PTGES3: variants seen among roughly 807,000 people sequenced by gnomAD.
PTGES3 encodes the protein Hsp90 co-chaperone.
Under a neutral mutation model 29.9 loss-of-function variants are expected in PTGES3, and 5 were observed. The observed-to-expected ratio is 0.17, with a 90% CI of 0.09 to 0.35. The LOEUF (loss-of-function observed/expected upper bound fraction) is 0.35, where lower values mean the gene tolerates loss of function less well. Ranked by LOEUF, PTGES3 falls within the 10% of genes least tolerant of loss-of-function variation. The probability of loss-of-function intolerance (pLI) is 1.00; values close to 1 mark genes in which losing one functional copy is unlikely to be tolerated. For synonymous variants in PTGES3, 49 were observed against 57.8 expected, an observed-to-expected ratio of 0.85 and a Z score of 0.69; for missense variants, 128 against 190.0, an observed-to-expected ratio of 0.67 and a Z score of 1.92.
chr12:56,684,156 T>A (rs1393164804), intron 1 of PTGES3, among the ~76,000 whole-genome samples: 2 of 151,846 alleles, frequency 1.3e-5, no homozygotes, highest in Non-Finnish European at 2.9e-5. Flanking sequence ...TTTACAAAGG[T>A]TTTTTTTCCC....
chr12:56,670,487 C>A, intron 4 of PTGES3, 123 bp from the exon 5 acceptor site: 1 of 686,550 alleles, frequency 1.5e-6, no homozygotes, highest in Non-Finnish European at 2.6e-6. Context: ...GGCTGGAGTG[C>A]AGCAAGCATT....
intron 1 of PTGES3, among the ~76,000 whole-genome samples, chr12:56,683,758 GACCATTCTGGCTAAC>G (rs1952682521): frequency 6.6e-6 from 1 of 151,664 alleles, no homozygotes; most frequent in Admixed American, 6.6e-5. Flanking sequence ...AGGAGATCGA[GACCATTCTGGCTAAC>G]ACGGTGAAAC....
intron 1 of PTGES3, among the ~76,000 whole-genome samples, chr12:56,679,787 G>A (rs1284127929): frequency 6.6e-6 from 1 of 152,064 alleles, no homozygotes; most frequent in Non-Finnish European, 1.5e-5. Context: ...CAATTCTTCT[G>A]CCTTAGCCTC....
chr12:56,681,721 G>T (rs1171404011), intron 1 of PTGES3, among the ~76,000 whole-genome samples: 1 of 151,426 alleles, frequency 6.6e-6, no homozygotes, highest in Non-Finnish European at 1.5e-5. Flanking sequence ...CAGGTACGGT[G>T]GCATGCGCCT....
chr12:56,681,366 G>A (rs1433411826), intron 1 of PTGES3, among the ~76,000 whole-genome samples: 2 of 150,582 alleles, frequency 1.3e-5, no homozygotes, highest in Admixed American at 6.7e-5. Flanking sequence ...GTGAAACCCC[G>A]TCTCTACTAA....
chr12:56,685,423 G>A (rs1592287758), intron 1 of PTGES3, among the ~76,000 whole-genome samples: 2 of 117,732 alleles, frequency 1.7e-5, no homozygotes, highest in Non-Finnish European at 3.4e-5. Flanking sequence ...TTTTTTTTAA[G>A]ACAGTCTCGC....
Position 56,672,725 on chromosome 12 carries a change from A to C in PTGES3, c.186+15T>G. The C allele has an allele frequency of 1.3e-6, 2 of 1,545,448 alleles. No homozygotes were observed. The highest frequency in any genetic ancestry group is 1.7e-6 in the Non-Finnish European group (2 of 1,147,836). On this transcript the variant is annotated intron_variant, in intron 3 of 7. Transcript: ENST00000262033. ...TCACAACTAAAATTTGGATTAAAGC[A>C]TAAAGACTACTTACATTTGGATCAA...
intron 1 of PTGES3, among the ~76,000 whole-genome samples, chr12:56,680,123 G>A (rs1484703132): frequency 6.6e-6 from 1 of 150,424 alleles, no homozygotes; most frequent in Admixed American, 6.6e-5. Flanking sequence ...CCAGGCTGGA[G>A]TGCAATGGCG....
In PTGES3 at chr12:56,663,444, G is replaced by C. The variant is rs1011429862; in HGVS notation, c.*1035C>G. The C allele has an allele frequency of 3.9e-5, 6 of 152,220 alleles. No homozygotes were observed. Among genetic ancestry groups the C allele is most frequent in the African/African-American group, 1.4e-4 (6 of 41,452 alleles). The allele number at this position is 152,220 out of a possible 1,614,324, so 9.4% of individuals were successfully genotyped here. On this transcript the variant is annotated 3_prime_UTR_variant, in exon 8 of 8. Coordinates refer to ENST00000262033, the MANE Select transcript of PTGES3 (RefSeq NM_006601.7). ...AGTGCATCTACAATATGCTATTACA[G>C]ATCCACTTTTAAAAGGTTTCCTGTG...
At chr12:56,684,520 T>C (rs1952732946) in intron 1 of PTGES3, among the ~76,000 whole-genome samples, 1 of 152,204 alleles carries the variant, frequency 6.6e-6, no homozygotes, top group Admixed American at 6.5e-5. Flanking sequence ...GATTCGTTCC[T>C]ACACAGCTGA....
intron 1 of PTGES3, among the ~76,000 whole-genome samples, chr12:56,677,240 G>C (rs552135310): frequency 7.0e-6 from 1 of 142,462 alleles, no homozygotes; most frequent in Non-Finnish European, 1.5e-5. Flanking sequence ...CTCCTTCTCC[G>C]CACCACCCAA....
chr12:56,666,034 G>A (rs1951771413), intron 6 of PTGES3, 170 bp downstream of exon 6: 1 of 1,384,186 alleles, frequency 7.2e-7, no homozygotes, highest in African/African-American at 1.5e-5. Context: ...TTCCCTAATA[G>A]ATACCCCCAT....
At chr12:56,687,882 G>A (rs1017572090) in intron 1 of PTGES3, 116 bp downstream of exon 1, 133 of 1,578,176 alleles carry the variant, frequency 8.4e-5, no homozygotes, top group African/African-American at 6.9e-4. Flanking sequence ...CCCGCCCCCA[G>A]GCAGGAACGA....
intron 4 of PTGES3, 32 bp downstream of exon 4, chr12:56,671,717 C>CA (rs753283683): frequency 1.5e-6 from 2 of 1,352,896 alleles, no homozygotes; most frequent in Non-Finnish European, 2.0e-6. Flanking sequence ...ATAAAAATAT[C>CA]AAACTTTTCA....
intron 5 of PTGES3, among the ~76,000 whole-genome samples, chr12:56,669,813 A>C (rs370206754): frequency 6.6e-6 from 1 of 150,962 alleles, no homozygotes; most frequent in African/African-American, 2.4e-5. Flanking sequence ...GGTTTCACCA[A>C]GTTGGCCCGT....
chr12:56,673,314 C>T (rs551331004), intron 1 of PTGES3, among the ~76,000 whole-genome samples: 2 of 151,814 alleles, frequency 1.3e-5, no homozygotes, highest in South Asian at 2.1e-4. Context: ...TAGAGTTAGC[C>T]GTTTATCTAG....
rs71081388 is a variant in PTGES3 at position 56,683,473 on chromosome 12, C to CAAAAAAAAAAAAAAAAAAA, written c.2+4506_2+4524dup. Among the ~76,000 whole-genome samples, 16 of 29,756 alleles carry CAAAAAAAAAAAAAAAAAAA rather than the reference C, an allele frequency of 5.4e-4. 3 individuals are homozygous for CAAAAAAAAAAAAAAAAAAA. The highest frequency in any genetic ancestry group is 8.1e-4 in the Non-Finnish European group (13 of 15,978). The allele number at this position is 29,756 out of a possible 152,430, so 19.5% of individuals were successfully genotyped here. A position where few individuals can be genotyped will look rare whatever the true frequency, so the allele number is the denominator to read the frequency against. On this transcript the variant is annotated intron_variant, in intron 1 of 7. Transcript: ENST00000262033. ...GGGCAACAAGAGAGAAACTCTGTCT[C>CAAAAAAAAAAAAAAAAAAA]AAAAAAAAAAAAAAAAAAAAAAAAA...
In PTGES3 at chr12:56,682,940, G is replaced by A. The variant is rs182930918; in HGVS notation, c.2+5058C>T. Among the ~76,000 whole-genome samples the A allele has an allele frequency of 2.3e-3, 350 of 151,956 alleles. 1 individual carries two copies. The highest frequency in any genetic ancestry group is 4.1e-3 in the Non-Finnish European group (279 of 67,984). Reference sequence around the variant, plus strand: ...ACCTAGGAGGCAGAGGTTGCAGTGAGCCAAGATCGCGCCACTGCACTGCAG... The same window carrying A: ...ACCTAGGAGGCAGAGGTTGCAGTGAACCAAGATCGCGCCACTGCACTGCAG... On this transcript the variant is annotated intron_variant, in intron 1 of 7. Coordinates refer to ENST00000262033, the MANE Select transcript of PTGES3 (RefSeq NM_006601.7).
At chr12:56,670,660 AACCCAGACTTGGGCGC>A (rs1445384073) in intron 4 of PTGES3, 3 of 250,332 alleles carry the variant, frequency 1.2e-5, no homozygotes, top group African/African-American at 6.6e-5. Flanking sequence ...ATGGCAATGC[AACCCAGACTTGGGCGC>A]AAGTATTTCT....
Sources: allele counts gnomAD v4.1 joint callset (sites outside exome capture counted in the v4.1 genomes callset), GRCh38; gene constraint gnomAD v4.1.1; transcripts MANE v1.5; gene names NCBI Gene and HGNC (gene_info 2026-07-23, HGNC 2026-07-21).